KCNH7: variants seen among roughly 807,000 people sequenced by gnomAD.
KCNH7 encodes potassium voltage-gated channel subfamily H member 7.
In KCNH7, 49 loss-of-function variants were observed where a neutral mutation model predicts 120.8. The observed-to-expected ratio is 0.41, with a 90% CI of 0.32 to 0.51. KCNH7 has a LOEUF of 0.51. Among genes scored for constraint, KCNH7 ranks in the 20% least tolerant of loss-of-function variants. The pLI is 0.38. For missense variants in KCNH7, 1,097 were observed against 1,446.6 expected (o/e 0.76, Z 3.92); for synonymous variants, 547 against 516.1 (o/e 1.06, Z -0.81).
Position 162,469,712 on chromosome 2 carries a change from C to T in KCNH7, c.1129-23269G>A, listed in dbSNP as rs552132681. Among the ~76,000 whole-genome samples, 35 of 151,574 alleles carry T rather than the reference C, an allele frequency of 2.3e-4. No homozygotes were observed. The East Asian group carries it at 5.8e-3, about 25-fold the overall frequency. On this transcript the variant is annotated intron_variant, in intron 6 of 15. Coordinates refer to ENST00000332142, the MANE Select transcript of KCNH7 (RefSeq NM_033272.4). Reference sequence around the variant, plus strand: ...CCCCCTCTCCCTCTCCCTCTCCCCACGGTCTCCCTCTCCTTCTCTTTCCAT... The same window carrying T: ...CCCCCTCTCCCTCTCCCTCTCCCCATGGTCTCCCTCTCCTTCTCTTTCCAT...
chr2:162,820,672 G>T (rs1685090157), intron 2 of KCNH7, among the ~76,000 whole-genome samples: 1 of 151,934 alleles, frequency 6.6e-6, no homozygotes, highest in East Asian at 1.9e-4. Flanking sequence ...AGCTAAATTT[G>T]CTTACAAACT....
chr2:162,412,787 A>T (rs997967453), intron 9 of KCNH7, among the ~76,000 whole-genome samples: 3 of 152,198 alleles, frequency 2.0e-5, no homozygotes, highest in African/African-American at 7.2e-5. Flanking sequence ...TAAGTGTCGT[A>T]TAATCACATA....
At chr2:162,591,277 A>T (rs1047502793) in intron 2 of KCNH7, among the ~76,000 whole-genome samples, 3 of 151,930 alleles carry the variant, frequency 2.0e-5, no homozygotes, top group African/African-American at 7.3e-5. Context: ...TCTTATCACA[A>T]TAGAATGTGA....
At chr2:162,718,763 CATTTCTTCTCT>C (rs140922935) in intron 2 of KCNH7, among the ~76,000 whole-genome samples, 5,648 of 152,032 alleles carry the variant, frequency 0.037, 156 homozygotes, top group Non-Finnish European at 0.059. Flanking sequence ...TAGAATAAAA[CATTTCTTCTCT>C]AGTCTCCACA....
chr2:162,687,839 T>C (rs1445761258), intron 2 of KCNH7, among the ~76,000 whole-genome samples: 1 of 152,176 alleles, frequency 6.6e-6, no homozygotes, highest in Non-Finnish European at 1.5e-5. Context: ...GATGGGTTTC[T>C]AAGTAAAATG....
chr2:162,824,493 A>G (rs964327987), intron 2 of KCNH7, among the ~76,000 whole-genome samples: 3 of 152,232 alleles, frequency 2.0e-5, no homozygotes, highest in Admixed American at 6.5e-5. Flanking sequence ...CATTATAAAG[A>G]ACACCTGGAG....
chr2:162,499,292 G>C (rs906132365), intron 6 of KCNH7, among the ~76,000 whole-genome samples: 1 of 152,084 alleles, frequency 6.6e-6, no homozygotes, highest in Non-Finnish European at 1.5e-5. Flanking sequence ...AAGTGCAACT[G>C]CTTGGTAAAA....
chr2:162,533,448 A>T (rs566591963), intron 3 of KCNH7, among the ~76,000 whole-genome samples: 32 of 151,826 alleles, frequency 2.1e-4, no homozygotes, highest in Non-Finnish European at 3.5e-4. Flanking sequence ...GACACAACCA[A>T]AACAAAGGCA....
intron 2 of KCNH7, among the ~76,000 whole-genome samples, chr2:162,674,612 T>G (rs1574251115): frequency 6.6e-6 from 1 of 151,774 alleles, no homozygotes; most frequent in East Asian, 1.9e-4. Flanking sequence ...AAGGCTATAA[T>G]AATTAAAAGA....
chr2:162,498,460 T>A (rs1690570572), intron 6 of KCNH7, among the ~76,000 whole-genome samples: 1 of 122,896 alleles, frequency 8.1e-6, no homozygotes, highest in Admixed American at 1.0e-4. Context: ...TTCTAGAATC[T>A]ACCCACTGCC....
At chr2:162,584,318 T>A (rs1200509858) in intron 2 of KCNH7, among the ~76,000 whole-genome samples, 4 of 152,134 alleles carry the variant, frequency 2.6e-5, no homozygotes, top group Non-Finnish European at 5.9e-5. Flanking sequence ...CCATTTTATT[T>A]TTATTCGCAG....
At chr2:162,663,765 C>A (rs1685046676) in intron 2 of KCNH7, among the ~76,000 whole-genome samples, 1 of 152,030 alleles carries the variant, frequency 6.6e-6, no homozygotes, top group Non-Finnish European at 1.5e-5. Flanking sequence ...TTGGATGTCT[C>A]AAAATGGGAT....
At chr2:162,469,199 T>G (rs1245751667) in intron 6 of KCNH7, among the ~76,000 whole-genome samples, 1 of 150,158 alleles carries the variant, frequency 6.7e-6, no homozygotes, top group Non-Finnish European at 1.5e-5. Flanking sequence ...AGCTAAATAC[T>G]GTTATGAAAT....
At chr2:162,628,615 C>T (rs1683642921) in intron 2 of KCNH7, among the ~76,000 whole-genome samples, 1 of 151,940 alleles carries the variant, frequency 6.6e-6, no homozygotes, top group East Asian at 1.9e-4. Context: ...TTCAATAGGC[C>T]CCCGTGTGTG....
chr2:162,373,503 G>A lies in KCNH7; in HGVS notation c.3291C>T (p.Ile1097=), dbSNP rs1346320291. 1.3e-6 allele frequency: 2 copies of A among 1,571,418 alleles called. No homozygotes were observed. The highest frequency in any genetic ancestry group is 1.7e-6 in the Non-Finnish European group (2 of 1,158,612). ...LMRTSQPEAS[I]KTDRSFSPSS... ...AAGGGCTGAAACTTCGGTCAGTTTT[G>A]ATGGATGCTTCCGGTTGACTGGTTC... The change falls in exon 15 of 16, where the codon ATC becomes ATT. Residue 1097 remains isoleucine (I), a synonymous_variant. Coordinates refer to ENST00000332142, the MANE Select transcript of KCNH7 (RefSeq NM_033272.4).
intron 2 of KCNH7, among the ~76,000 whole-genome samples, chr2:162,821,133 C>T (rs1265945825): frequency 6.6e-6 from 1 of 152,224 alleles, no homozygotes; most frequent in Non-Finnish European, 1.5e-5. Flanking sequence ...TGGTTCTACA[C>T]ATACCCTATC....
chr2:162,818,920 G>T lies in KCNH7; in HGVS notation c.307+17617C>A, dbSNP rs1332862570. 2.0e-5 allele frequency among the ~76,000 whole-genome samples: 3 copies of T among 152,142 alleles called. No homozygotes were observed. In the East Asian group the frequency reaches 5.8e-4, roughly 29 times the overall value. ...GTGCTTCTAGTGATGCTCAAAGTAG[G>T]ACACATGACTTATTTATTAAACCTG... On this transcript the variant is annotated intron_variant, in intron 2 of 15. Transcript: ENST00000332142.
Position 162,446,455 on chromosome 2 carries a change from A to G in KCNH7, c.1129-12T>C, listed in dbSNP as rs1472200645. On this transcript the variant is annotated splice_polypyrimidine_tract_variant and intron_variant, in intron 6 of 15. Transcript: ENST00000332142. Reference sequence around the variant, plus strand: ...CCTAAAGAGAGAACCTGAATGTGCAAAAGAAAATCATACACTACATAAATA... The same window carrying G: ...CCTAAAGAGAGAACCTGAATGTGCAGAAGAAAATCATACACTACATAAATA... 1 of 1,586,594 alleles carries G rather than the reference A, an allele frequency of 6.3e-7. No homozygotes were observed. The highest frequency in any genetic ancestry group is 8.6e-7 in the Non-Finnish European group (1 of 1,165,200).
intron 5 of KCNH7, among the ~76,000 whole-genome samples, chr2:162,510,470 T>C (rs531089822): frequency 6.8e-4 from 103 of 151,298 alleles, no homozygotes; most frequent in Non-Finnish European, 1.2e-3. Context: ...CCCGAGAAAG[T>C]TAAAGAATGG....
Sources: allele counts gnomAD v4.1 joint callset (sites outside exome capture counted in the v4.1 genomes callset), GRCh38; gene constraint gnomAD v4.1.1; transcripts MANE v1.5; gene names NCBI Gene and HGNC (gene_info 2026-07-23, HGNC 2026-07-21).